ARHGEF28: variants seen among roughly 807,000 people sequenced by gnomAD.
ARHGEF28 encodes Rho guanine nucleotide exchange factor 28.
ARHGEF28 carries 152 observed loss-of-function variants against 206.6 expected under a neutral mutation model. The ratio of observed to expected loss-of-function variants is 0.74; its 90% confidence interval spans 0.64 to 0.84. ARHGEF28 has a LOEUF of 0.84. Among genes scored for constraint, ARHGEF28 ranks in the 40% least tolerant of loss-of-function variants. The probability of loss-of-function intolerance (pLI) is 0.00; values close to 1 mark genes in which losing one functional copy is unlikely to be tolerated. For synonymous variants in ARHGEF28, 763 were observed against 776.4 expected (o/e 0.98, Z 0.29); for missense variants, 2,028 against 2,073.2 (o/e 0.98, Z 0.42).
At chr5:73,739,046 G>A (rs1348267805) in intron 2 of ARHGEF28, among the ~76,000 whole-genome samples, 3 of 152,130 alleles carry the variant, frequency 2.0e-5, no homozygotes, top group Non-Finnish European at 4.4e-5. Flanking sequence ...ATAGAACTTA[G>A]TTGTCTTCCC....
chr5:73,720,740 T>G (rs899204004), intron 2 of ARHGEF28, among the ~76,000 whole-genome samples: 2 of 152,192 alleles, frequency 1.3e-5, no homozygotes, highest in Non-Finnish European at 2.9e-5. Context: ...TTTATTGTTC[T>G]TCCTGCTGAC....
At chr5:73,632,473 C>T (rs1311723123) in intron 1 of ARHGEF28, among the ~76,000 whole-genome samples, 1 of 152,138 alleles carries the variant, frequency 6.6e-6, no homozygotes, top group Non-Finnish European at 1.5e-5. Context: ...TGATGAGGAC[C>T]TCATGACCAT....
intron 2 of ARHGEF28, among the ~76,000 whole-genome samples, chr5:73,728,230 G>T (rs1750399337): frequency 1.3e-5 from 2 of 152,148 alleles, no homozygotes. Flanking sequence ...GTAGAGCATT[G>T]CTTGTCTTGT....
chr5:73,706,140 G>A (rs1748916180), intron 2 of ARHGEF28, among the ~76,000 whole-genome samples: 1 of 152,146 alleles, frequency 6.6e-6, no homozygotes, highest in South Asian at 2.1e-4. Context: ...CTTCTTGTCC[G>A]AAGGAACTGA....
intron 2 of ARHGEF28, among the ~76,000 whole-genome samples, chr5:73,693,976 C>T (rs962889203): frequency 1.3e-5 from 2 of 152,152 alleles, no homozygotes; most frequent in South Asian, 2.1e-4. Flanking sequence ...CCAGCAGCCA[C>T]GAGATGTCAG....
chr5:73,836,461 T>A (rs920249488), intron 10 of ARHGEF28, among the ~76,000 whole-genome samples: 3 of 152,122 alleles, frequency 2.0e-5, no homozygotes, highest in Admixed American at 2.0e-4. Context: ...TGGGAAAATG[T>A]CTATTTAGGT....
chr5:73,764,746 T>C (rs1238671970), intron 4 of ARHGEF28, among the ~76,000 whole-genome samples: 1 of 152,214 alleles, frequency 6.6e-6, no homozygotes, highest in Non-Finnish European at 1.5e-5. Context: ...CCTGATTTCA[T>C]GTCTTTCTTA....
intron 8 of ARHGEF28, 78 bp downstream of exon 8, chr5:73,794,532 G>T: frequency 8.3e-7 from 1 of 1,202,998 alleles, no homozygotes; most frequent in African/African-American, 1.7e-5. Context: ...TAATAAAAAT[G>T]TTTAAAAAAC....
intron 14 of ARHGEF28, among the ~76,000 whole-genome samples, chr5:73,856,791 CT>C (rs1303383276): frequency 6.6e-6 from 1 of 151,968 alleles, no homozygotes; most frequent in African/African-American, 2.4e-5. Flanking sequence ...GTAGGAGAGA[CT>C]TTAGTTAGGA....
chr5:73,654,660 C>T (rs763958232), intron 1 of ARHGEF28, among the ~76,000 whole-genome samples: 21 of 152,186 alleles, frequency 1.4e-4, no homozygotes, highest in Non-Finnish European at 2.5e-4. Flanking sequence ...TTTCTTGCCT[C>T]AGGTGAACAC....
intron 2 of ARHGEF28, among the ~76,000 whole-genome samples, chr5:73,738,889 G>T (rs1751188621): frequency 6.6e-6 from 1 of 152,176 alleles, no homozygotes. Context: ...ACCATGTGAG[G>T]TTACTGTCTG....
intron 1 of ARHGEF28, among the ~76,000 whole-genome samples, chr5:73,636,963 G>T (rs1743755767): frequency 6.6e-6 from 1 of 152,128 alleles, no homozygotes; most frequent in Non-Finnish European, 1.5e-5. Flanking sequence ...TGAAGATGGT[G>T]CTTCAGTGTT....
Position 73,940,085 on chromosome 5 carries a change from G to A in ARHGEF28, c.4949-759G>A, listed in dbSNP as rs147581565. 1.4e-3 allele frequency among the ~76,000 whole-genome samples: 215 copies of A among 152,294 alleles called. 3 individuals carry two copies. In the East Asian group the frequency reaches 0.031, roughly 22 times the overall value. ...GCCATATGGCTGAGCCTGAGGGTGA[G>A]TGGTCAGTGGAACAAGTGCAGGGAA... On this transcript the variant is annotated intron_variant, in intron 35 of 35. Coordinates refer to ENST00000513042, the MANE Select transcript of ARHGEF28 (RefSeq NM_001177693.2).
chr5:73,756,624 A>G (rs1210467767), intron 4 of ARHGEF28, among the ~76,000 whole-genome samples: 1 of 152,160 alleles, frequency 6.6e-6, no homozygotes, highest in African/African-American at 2.4e-5. Context: ...CAGTTCTGTT[A>G]TGTATGTATG....
chr5:73,635,801 G>C (rs2112126689), intron 1 of ARHGEF28, among the ~76,000 whole-genome samples: 1 of 152,316 alleles, frequency 6.6e-6, no homozygotes. Flanking sequence ...ACAGCCCCTA[G>C]AGATGTAGCA....
chr5:73,932,808 T>C (rs945423969), intron 35 of ARHGEF28, among the ~76,000 whole-genome samples: 23 of 126,130 alleles, frequency 1.8e-4, no homozygotes, highest in Non-Finnish European at 3.1e-4. Context: ...TTCTTTTTTT[T>C]TTTTTTTTTT....
intron 2 of ARHGEF28, among the ~76,000 whole-genome samples, chr5:73,687,603 T>G (rs892985743): frequency 2.0e-4 from 31 of 152,154 alleles, no homozygotes; most frequent in Admixed American, 2.0e-3. Flanking sequence ...TGTCCTACAA[T>G]TTGTTTCTGT....
intron 1 of ARHGEF28, among the ~76,000 whole-genome samples, chr5:73,645,455 T>G (rs1024273970): frequency 1.3e-5 from 2 of 152,242 alleles, no homozygotes; most frequent in East Asian, 3.8e-4. Flanking sequence ...ATGTAAGTTC[T>G]GAGAAAATAC....
At chr5:73,939,668 C>T (rs1742472234) in intron 35 of ARHGEF28, among the ~76,000 whole-genome samples, 1 of 152,206 alleles carries the variant, frequency 6.6e-6, no homozygotes, top group Non-Finnish European at 1.5e-5. Context: ...CCACCATGTC[C>T]CCAAAGATGG....
Sources: allele counts gnomAD v4.1 joint callset (sites outside exome capture counted in the v4.1 genomes callset), GRCh38; gene constraint gnomAD v4.1.1; transcripts MANE v1.5; gene names NCBI Gene and HGNC (gene_info 2026-07-23, HGNC 2026-07-21).